The following DMD variants were observed in gnomAD, a reference collection of about 807,000 sequenced individuals.
The protein encoded by DMD is dystrophin.
In DMD, 63 loss-of-function variants were observed where a neutral mutation model predicts 330.1. That is an observed-to-expected ratio of 0.19 (90% CI 0.16 to 0.24). DMD has a LOEUF of 0.24. DMD is among the 10% of genes least tolerant of loss of function. The pLI, the probability that DMD is intolerant of heterozygous loss-of-function variation, is 1.00. For missense variants in DMD, 3,344 were observed against 2,684.1 expected (o/e 1.25, Z -5.43); for synonymous variants, 1,223 against 959.8 (o/e 1.27, Z -5.07).
At chrX:32,494,913 T>C (rs2043339100) in intron 19 of DMD, among the ~76,000 whole-genome samples, 1 of 111,432 alleles carries the variant, frequency 9.0e-6, no homozygotes, top group Admixed American at 9.6e-5. Context: ...AGTTCGAGGC[T>C]GCACTGAGCT....
chrX:32,140,645 A>G (rs916680151), intron 44 of DMD, among the ~76,000 whole-genome samples: 4 of 112,096 alleles, frequency 3.6e-5, no homozygotes, highest in African/African-American at 1.3e-4. Context: ...TTATAGTTCC[A>G]CATGACTGGG....
chrX:31,262,098 G>C (rs2050579764), intron 62 of DMD, among the ~76,000 whole-genome samples: 1 of 112,492 alleles, frequency 8.9e-6, no homozygotes, highest in Non-Finnish European at 1.9e-5. Flanking sequence ...TGAATTTTAG[G>C]GCTCTGCGCC....
At chrX:31,785,245 T>C (rs1319640980) in intron 50 of DMD, among the ~76,000 whole-genome samples, 3 of 111,959 alleles carry the variant, frequency 2.7e-5, no homozygotes, top group Non-Finnish European at 5.6e-5. Flanking sequence ...TTAAACTCTT[T>C]AGAGACAGAA....
At chrX:32,538,777 G>A (rs2048225177) in intron 17 of DMD, among the ~76,000 whole-genome samples, 1 of 111,099 alleles carries the variant, frequency 9.0e-6, no homozygotes, top group Admixed American at 9.6e-5. Flanking sequence ...AGAAACTCTG[G>A]TGACTCCGAC....
At chrX:31,133,834 G>A (rs2034827777) in intron 77 of DMD, among the ~76,000 whole-genome samples, 2 of 112,177 alleles carry the variant, frequency 1.8e-5, no homozygotes, top group Admixed American at 1.9e-4. Context: ...TAACTCTTCA[G>A]ACTAATGTGT....
intron 62 of DMD, among the ~76,000 whole-genome samples, chrX:31,292,317 C>T (rs919294451): frequency 1.8e-5 from 2 of 111,570 alleles, no homozygotes; most frequent in Non-Finnish European, 3.8e-5. Flanking sequence ...AGATACTTCA[C>T]ACAACAGGAT....
intron 2 of DMD, among the ~76,000 whole-genome samples, chrX:32,965,520 G>C (rs762649863): frequency 1.9e-5 from 2 of 107,033 alleles, no homozygotes; most frequent in African/African-American, 6.8e-5. Context: ...GAAGTGGGGT[G>C]GGGGGGTTAC....
At chrX:32,695,868 G>A (rs143538047) in intron 9 of DMD, among the ~76,000 whole-genome samples, 1,324 of 112,152 alleles carry the variant, frequency 0.012, 23 homozygotes, top group African/African-American at 0.041. Flanking sequence ...AAAGAGCCAG[G>A]TAATGAAAGA....
At chrX:33,139,868 T>TAAAAAAAAAAAAAAAAAAA (rs3990971) in intron 1 of DMD, among the ~76,000 whole-genome samples, 13 of 64,350 alleles carry the variant, frequency 2.0e-4, no homozygotes, top group African/African-American at 1.0e-3. Context: ...GCCCCATCGC[T>TAAAAAAAAAAAAAAAAAAA]AAAAAAAAAA....
chrX:31,582,315 G>A (rs1247759218), intron 55 of DMD, among the ~76,000 whole-genome samples: 1 of 111,255 alleles, frequency 9.0e-6, no homozygotes, highest in Admixed American at 9.6e-5. Context: ...TGGGACGTAA[G>A]GTGGATAATA....
At chrX:33,000,537 C>A (rs974084487) in intron 2 of DMD, among the ~76,000 whole-genome samples, 9 of 111,694 alleles carry the variant, frequency 8.1e-5, no homozygotes, top group Non-Finnish European at 1.7e-4. Context: ...CTGACTTAGT[C>A]AGAATATTCT....
At chrX:32,468,784 G>A in intron 22 of DMD, 74 bp from the exon 23 acceptor site, 2 of 864,442 alleles carry the variant, frequency 2.3e-6, no homozygotes, top group Non-Finnish European at 3.3e-6. Context: ...GAAATTAACT[G>A]TACTTGAAAT....
At chrX:32,059,474 G>A (rs1315555803) in intron 44 of DMD, among the ~76,000 whole-genome samples, 2 of 111,497 alleles carry the variant, frequency 1.8e-5, no homozygotes, top group East Asian at 2.8e-4. Context: ...ATAAGATGTA[G>A]CATAAGTGAC....
intron 2 of DMD, among the ~76,000 whole-genome samples, chrX:32,883,204 G>T (rs994597405): frequency 8.9e-6 from 1 of 111,912 alleles, no homozygotes; most frequent in Non-Finnish European, 1.9e-5. Context: ...GGGTAATTCT[G>T]CTTAGAAAGT....
At chrX:33,063,531 G>C (rs950362566) in intron 1 of DMD, among the ~76,000 whole-genome samples, 15 of 111,832 alleles carry the variant, frequency 1.3e-4, no homozygotes, top group African/African-American at 4.2e-4. Context: ...GTCAGAGTAA[G>C]TCTTAAGGGA....
At chrX:31,560,057 G>A (rs2075108095) in intron 55 of DMD, among the ~76,000 whole-genome samples, 1 of 111,918 alleles carries the variant, frequency 8.9e-6, no homozygotes, top group Non-Finnish European at 1.9e-5. Flanking sequence ...CACTTCATAA[G>A]TGTTGTTTTC....
At chrX:31,662,385 T>C (rs1223123988) in intron 53 of DMD, among the ~76,000 whole-genome samples, 6 of 111,692 alleles carry the variant, frequency 5.4e-5, no homozygotes, top group Non-Finnish European at 1.1e-4. Flanking sequence ...GAGCCCCTTC[T>C]GAATGCAAAG....
At chrX:33,034,730 G>A (rs953529409) in intron 1 of DMD, among the ~76,000 whole-genome samples, 7 of 112,130 alleles carry the variant, frequency 6.2e-5, no homozygotes, top group Non-Finnish European at 1.1e-4. Flanking sequence ...GTATGCTCTG[G>A]AATCATACGG....
chrX:32,638,262 A>C lies in DMD; in HGVS notation c.1331+5870T>G, dbSNP rs780882027. 1.5e-4 allele frequency among the ~76,000 whole-genome samples: 17 copies of C among 111,874 alleles called. No homozygotes were observed. In the South Asian group the frequency reaches 1.9e-3, roughly 12 times the overall value. ...CACCCATGGGGTATGATATCAACATATGAGGACTGAATGAAATATCAGCAC... is the reference window on the plus strand; with the variant it reads ...CACCCATGGGGTATGATATCAACATCTGAGGACTGAATGAAATATCAGCAC... On this transcript the variant is annotated intron_variant, in intron 11 of 78. Coordinates refer to ENST00000357033, the MANE Select transcript of DMD (RefSeq NM_004006.3).
Sources: gnomAD v4.1 joint callset for allele counts (sites outside exome capture counted in the v4.1 genomes callset) on GRCh38, gnomAD v4.1.1 for gene constraint, MANE v1.5 for transcripts, NCBI Gene and HGNC (gene_info 2026-07-23, HGNC 2026-07-21) for gene names.